The following HERC2 variants were observed in gnomAD, a reference collection of about 807,000 sequenced individuals.
HERC2 encodes the protein E3 ubiquitin-protein ligase HERC2.
A neutral mutation model predicts 537.7 loss-of-function variants in HERC2; 102 were observed. The observed-to-expected ratio is 0.19, with a 90% CI of 0.16 to 0.22. The LOEUF (loss-of-function observed/expected upper bound fraction) is 0.22, where lower values mean the gene tolerates loss of function less well. HERC2 is among the 10% of genes least tolerant of loss of function. HERC2 has a pLI of 1.00. For missense variants in HERC2, 4,236 were observed against 6,198.2 expected (o/e 0.68, Z 10.63); for synonymous variants, 2,224 against 2,466.2 (o/e 0.90, Z 2.91).
chr15:28,204,325 G>A (rs1898177521), intron 45 of HERC2, among the ~76,000 whole-genome samples: 1 of 152,128 alleles, frequency 6.6e-6, no homozygotes, highest in Admixed American at 6.5e-5. Context: ...AAAATGTACA[G>A]CAAAAGATAG....
chr15:28,193,099 G>T (rs986748105), intron 52 of HERC2, among the ~76,000 whole-genome samples: 3 of 152,020 alleles, frequency 2.0e-5, no homozygotes. Context: ...AATGAGTCAA[G>T]AAATAACTTT....
At chr15:28,308,213 C>T (rs1018794031) in intron 2 of HERC2, among the ~76,000 whole-genome samples, 3 of 152,120 alleles carry the variant, frequency 2.0e-5, no homozygotes, top group African/African-American at 7.2e-5. Context: ...TCTTTTGTGT[C>T]TTCTTTAATG....
chr15:28,260,985 GGATGCA>G lies in HERC2; in HGVS notation c.2123-21_2123-16del. ...CACCTTCTTCCCTACAAGGGAAGAG[GGATGCA>G]GATGCAGCTTCAAGCCTATGACTTC... On this transcript the variant is annotated splice_polypyrimidine_tract_variant and intron_variant, in intron 15 of 92. Transcript: ENST00000261609. 6.3e-7 allele frequency: 1 copy of G among 1,598,856 alleles called. No individual in the cohort carries two copies. Among genetic ancestry groups the G allele is most frequent in the African/African-American group, 1.3e-5 (1 of 74,726 alleles).
Position 28,280,254 on chromosome 15 carries a change from A to T in HERC2, c.356T>A (p.Leu119Gln). 6.2e-7 allele frequency: 1 copy of T among 1,613,942 alleles called. No individual in the cohort carries two copies. The highest frequency in any genetic ancestry group is 8.5e-7 in the Non-Finnish European group (1 of 1,179,946). ...GGCCAGGGCCTGCTGCTCTTTAACC[A>T]GCACAGAAAGACACTCCTTCAGTTC... ...VNELKECLSV[L>Q]VKEQQALAVQ... The change falls in exon 5 of 93, where the codon CTG becomes CAG. Residue 119 changes from leucine to glutamine, a missense_variant. By Grantham distance (113) the Leu-to-Gln change is moderately radical (BLOSUM62 -2). Transcript: ENST00000261609.
intron 38 of HERC2, 21 bp downstream of exon 38, chr15:28,218,468 C>T (rs761239917): frequency 8.2e-6 from 13 of 1,582,924 alleles, no homozygotes; most frequent in Non-Finnish European, 1.1e-5. Context: ...CTCCCTGGGC[C>T]CTCGATCTCT....
At chr15:28,160,052 T>C (rs1014504915) in intron 69 of HERC2, among the ~76,000 whole-genome samples, 3 of 152,216 alleles carry the variant, frequency 2.0e-5, no homozygotes, top group African/African-American at 7.2e-5. Flanking sequence ...ACAGCGAATA[T>C]TGCTGAACAG....
intron 89 of HERC2, 162 bp downstream of exon 89, chr15:28,115,262 ATTTTT>A (rs11375781): frequency 2.9e-4 from 112 of 382,188 alleles, no homozygotes; most frequent in South Asian, 1.0e-3. Flanking sequence ...TAGATGGTCT[ATTTTT>A]TTTTTTTTTT....
At chr15:28,235,594 T>G (rs1447891028) in intron 26 of HERC2, among the ~76,000 whole-genome samples, 5 of 152,180 alleles carry the variant, frequency 3.3e-5, no homozygotes, top group South Asian at 2.1e-4. Flanking sequence ...CCTCTCAGCA[T>G]TGCCCTTGAC....
chr15:28,301,797 CTAACTT>C (rs1202372566), intron 2 of HERC2, among the ~76,000 whole-genome samples: 1,430 of 56,882 alleles, frequency 0.025, 43 homozygotes, highest in African/African-American at 0.083. Flanking sequence ...TATATTCTAT[CTAACTT>C]TTTTTTTTTT....
intron 25 of HERC2, among the ~76,000 whole-genome samples, chr15:28,237,452 A>T (rs1902580538): frequency 6.6e-6 from 1 of 152,260 alleles, no homozygotes; most frequent in Admixed American, 6.5e-5. Context: ...TGTTACATGC[A>T]TAAAGAACCC....
At chr15:28,195,853 C>T (rs1391286399) in intron 52 of HERC2, among the ~76,000 whole-genome samples, 2 of 152,050 alleles carry the variant, frequency 1.3e-5, no homozygotes, top group Non-Finnish European at 2.9e-5. Context: ...ATATATTTTG[C>T]CACAATGACA....
intron 83 of HERC2, 69 bp downstream of exon 83, chr15:28,130,094 G>C: frequency 6.3e-7 from 1 of 1,584,342 alleles, no homozygotes; most frequent in Middle Eastern, 1.7e-4. Context: ...TTAAGGCTGC[G>C]CATGTCCTTC....
rs1292503279 is a variant in HERC2 at position 28,196,624 on chromosome 15, G to A, written c.8012-55C>T. ...TCTTCCTCTTCACCAATAAAAACCTGAACTTAAAACTGCACCTAGCCATGT... is the reference window on the plus strand; with the variant it reads ...TCTTCCTCTTCACCAATAAAAACCTAAACTTAAAACTGCACCTAGCCATGT... On this transcript the variant is annotated intron_variant, in intron 50 of 92. Coordinates refer to ENST00000261609, the MANE Select transcript of HERC2 (RefSeq NM_004667.6). 5.0e-6 allele frequency: 5 copies of A among 1,008,986 alleles called. No homozygotes were observed. The African/African-American group carries it at 6.4e-5, about 13-fold the overall frequency. The allele number at this position is 1,008,986 out of a possible 1,614,324, so 62.5% of individuals were successfully genotyped here.
At position 28,130,776 on chromosome 15, in the gene HERC2, C is replaced by T. The variant is rs1031999873; in HGVS notation, c.12571-182G>A. ...AGCACTCTCAGGAGGCAGGCGGGAC[C>T]GTGACTGACAGCACACCCGTTGGCA... On this transcript the variant is annotated intron_variant, in intron 81 of 92. Coordinates refer to ENST00000261609, the MANE Select transcript of HERC2 (RefSeq NM_004667.6). 1.6e-4 allele frequency among the ~76,000 whole-genome samples: 25 copies of T among 152,186 alleles called. 1 individual carries two copies. The highest frequency in any genetic ancestry group is 1.2e-3 in the Admixed American group (18 of 15,284).
intron 4 of HERC2, among the ~76,000 whole-genome samples, chr15:28,284,919 G>GAAAAAAAAAAAAAAAAAAAAAAAAAAA (rs551327935): frequency 3.1e-5 from 1 of 32,524 alleles, no homozygotes; most frequent in African/African-American, 8.4e-5. Flanking sequence ...CTCCGTCTCG[G>GAAAAAAAAAAAAAAAAAAAAAAAAAAA]AAAAAAAAAA....
chr15:28,196,429 A>G, intron 51 of HERC2, 32 bp downstream of exon 51: 2 of 1,587,546 alleles, frequency 1.3e-6, no homozygotes, highest in South Asian at 1.1e-5. Context: ...ATTCGTCCCA[A>G]AGCAAATCTA....
chr15:28,228,129 TAAAAAAAAAAAA>T (rs367658561), intron 35 of HERC2, 77 bp downstream of exon 35: 3 of 940,720 alleles, frequency 3.2e-6, no homozygotes, highest in Non-Finnish European at 4.6e-6. Flanking sequence ...CAAAAAGCTT[TAAAAAAAAAAAA>T]AAAGAAAAGA....
At chr15:28,300,040 G>A (rs565897271) in intron 2 of HERC2, among the ~76,000 whole-genome samples, 7 of 136,176 alleles carry the variant, frequency 5.1e-5, no homozygotes, top group Admixed American at 4.0e-4. Context: ...TGACAAGAGC[G>A]AGACTCGGTG....
At position 28,229,865 on chromosome 15, in the gene HERC2, T is replaced by C; in HGVS notation, c.4810-18A>G. 2.3e-6 allele frequency: 2 copies of C among 888,624 alleles called. No homozygotes were observed. The highest frequency in any genetic ancestry group is 1.9e-6 in the Non-Finnish European group (1 of 533,846). The allele number at this position is 888,624 out of a possible 1,614,324, so 55.0% of individuals were successfully genotyped here. On this transcript the variant is annotated intron_variant, in intron 31 of 92. Coordinates refer to ENST00000261609, the MANE Select transcript of HERC2 (RefSeq NM_004667.6). ...CATTTGTCCTAACAAAGGAAAACAA[T>C]TTTCATCATTAGTCTACCCTATTTA...
Sources: gnomAD v4.1 joint callset for allele counts (sites outside exome capture counted in the v4.1 genomes callset) on GRCh38, gnomAD v4.1.1 for gene constraint, MANE v1.5 for transcripts, NCBI Gene and HGNC (gene_info 2026-07-23, HGNC 2026-07-21) for gene names.